The following RP1 variants were observed in gnomAD, a reference collection of about 807,000 sequenced individuals.
RP1 encodes RP1 axonemal microtubule associated.
Under a neutral mutation model 14.8 loss-of-function variants are expected in RP1, and 16 were observed. That is an observed-to-expected ratio of 1.08 (90% CI 0.73 to 1.65). RP1 has a LOEUF of 1.65. Among genes scored for constraint, RP1 ranks in the 40% most tolerant of loss-of-function variants. RP1 has a pLI of 0.00. For synonymous variants in RP1, 876 were observed against 883.6 expected, an observed-to-expected ratio of 0.99 and a Z score of 0.15; for missense variants, 2,631 against 2,535.0, an observed-to-expected ratio of 1.04 and a Z score of -0.81.
At chr8:54,784,980 G>A (rs545692860) in intron 24 of RP1, among the ~76,000 whole-genome samples, 7 of 151,118 alleles carry the variant, frequency 4.6e-5, no homozygotes, top group Non-Finnish European at 8.9e-5. Context: ...ATATTTATGG[G>A]GTACAGTGTG....
intron 25 of RP1, among the ~76,000 whole-genome samples, chr8:54,848,266 TCTC>T (rs1394572145): frequency 6.6e-6 from 1 of 152,156 alleles, no homozygotes; most frequent in African/African-American, 2.4e-5. Flanking sequence ...GCTTCTGCAC[TCTC>T]CTCTGAGCCC....
chr8:54,673,741 AAACAAC>A (rs4014240), intron 7 of RP1: 53 of 813,702 alleles, frequency 6.5e-5, no homozygotes, highest in Admixed American at 7.9e-5. Flanking sequence ...GCCTGTCTCA[AAACAAC>A]AACAACAACA....
chr8:54,766,683 C>A (rs1809769103), intron 22 of RP1, among the ~76,000 whole-genome samples: 1 of 152,162 alleles, frequency 6.6e-6, no homozygotes, highest in African/African-American at 2.4e-5. Flanking sequence ...CTTCCCCCAG[C>A]AAAACACCCT....
At chr8:54,678,878 TAC>T (rs1043042405) in intron 9 of RP1, among the ~76,000 whole-genome samples, 9 of 152,138 alleles carry the variant, frequency 5.9e-5, no homozygotes, top group Admixed American at 5.2e-4. Flanking sequence ...ATAATAAATA[TAC>T]ACAGTGTTTC....
At chr8:54,650,153 C>A (rs183724144) in intron 4 of RP1, among the ~76,000 whole-genome samples, 2 of 152,290 alleles carry the variant, frequency 1.3e-5, no homozygotes, top group Admixed American at 1.3e-4. Flanking sequence ...CTTAACCCCT[C>A]ATTTTTATAG....
chr8:54,766,708 G>A (rs1242132396), intron 22 of RP1, among the ~76,000 whole-genome samples: 3 of 152,046 alleles, frequency 2.0e-5, no homozygotes, highest in African/African-American at 4.8e-5. Flanking sequence ...GTTTTAAGGC[G>A]GGAGCACCCC....
At position 54,701,104 on chromosome 8, in the gene RP1, C is replaced by A. The variant is rs536784534; in HGVS notation, c.1822-382C>A. Among the ~76,000 whole-genome samples, 686 of 151,936 alleles carry A rather than the reference C, an allele frequency of 4.5e-3. 5 individuals are homozygous for A. The highest frequency in any genetic ancestry group is 0.016 in the African/African-American group (648 of 41,446). On this transcript the variant is annotated intron_variant, in intron 13 of 22. Coordinates refer to the RP1 transcript ENST00000636932. ...TCTCAATTTGTTTCATTTTTGAAAG[C>A]AAAATTTAGGAATGAGATAAAATTT...
upstream of RP1, among the ~76,000 whole-genome samples, chr8:54,615,055 C>A (rs1805683961): frequency 6.6e-6 from 1 of 152,198 alleles, no homozygotes; most frequent in Non-Finnish European, 1.5e-5. Flanking sequence ...CCTGTAAACA[C>A]AAATTTCCTT....
chr8:54,560,062 C>T (rs1804250186), intron 1 of RP1, among the ~76,000 whole-genome samples: 1 of 152,094 alleles, frequency 6.6e-6, no homozygotes, highest in Admixed American at 6.5e-5. Flanking sequence ...GAATGTAGCT[C>T]GAGAGGAGAA....
At chr8:54,673,286 G>C (rs892265073) in intron 7 of RP1, among the ~76,000 whole-genome samples, 12 of 152,030 alleles carry the variant, frequency 7.9e-5, no homozygotes. Flanking sequence ...TTTTTTAATG[G>C]ATATGCTACA....
At chr8:54,698,271 C>A (rs1203969873) in intron 12 of RP1, among the ~76,000 whole-genome samples, 1 of 152,116 alleles carries the variant, frequency 6.6e-6, no homozygotes, top group African/African-American at 2.4e-5. Flanking sequence ...ATGCAGCCAA[C>A]AAACTTATGA....
chr8:54,849,983 A>G lies in RP1; in HGVS notation c.3836-2591A>G, dbSNP rs181283523. On this transcript the variant is annotated intron_variant, in intron 25 of 28. Coordinates refer to the RP1 transcript ENST00000637698. ...ACAATTGTGGCAAATAGGAGGAAAA[A>G]CATTTTATGCTGTGCTTCTGGCTTT... is the stretch of plus-strand genomic sequence containing the variant. Among the ~76,000 whole-genome samples, 91 of 152,316 alleles carry G rather than the reference A, an allele frequency of 6.0e-4. 1 individual carries two copies. The highest frequency in any genetic ancestry group is 1.0e-3 in the Admixed American group (16 of 15,300).
At chr8:54,607,534 A>G (rs1387112170) in intron 1 of RP1, among the ~76,000 whole-genome samples, 1 of 152,158 alleles carries the variant, frequency 6.6e-6, no homozygotes, top group Non-Finnish European at 1.5e-5. Flanking sequence ...TCAGATCTCC[A>G]GTTGCATGCT....
Position 54,628,356 on chromosome 8 carries a change from G to T in RP1, c.4474G>T (p.Glu1492Ter). ...AAATGGAGGAGAGCAAGCCACTGAA[G>T]AATTAATCCAAGAAGAGGTAGAGGC... ...VVNGGEQATE[E>*]LIQEEVEASK... Residue 1492 changes from glutamate (E) to a stop codon, truncating the protein, a stop_gained, in exon 4 of 4, where the codon GAA becomes TAA. Coordinates refer to ENST00000220676, the MANE Select transcript of RP1 (RefSeq NM_006269.2). LOFTEE classifies it low-confidence loss of function (END_TRUNC). 6.2e-7 allele frequency: 1 copy of T among 1,613,734 alleles called. No homozygotes were observed. The highest frequency in any genetic ancestry group is 8.5e-7 in the Non-Finnish European group (1 of 1,179,872).
rs778213896 is a variant in RP1 at position 54,629,279 on chromosome 8, AC to A, written c.5398del (p.Leu1800SerfsTer9). ...TGGCCCCAGGCCCAACGATGGATGA[AC>A]TCTCCTCTTCAGAACTCGAGGAACT... ...NLAPGPTMDE[L>X]SSSELEELTQ... On this transcript the variant is annotated frameshift_variant, in exon 4 of 4. Coordinates refer to ENST00000220676, the MANE Select transcript of RP1 (RefSeq NM_006269.2). LOFTEE classifies it low-confidence loss of function (END_TRUNC). The A allele has an allele frequency of 1.9e-6, 3 of 1,613,554 alleles. No individual in the cohort carries two copies. In the African/African-American group the frequency reaches 4.0e-5, roughly 22 times the overall value.
intron 24 of RP1, among the ~76,000 whole-genome samples, chr8:54,835,997 C>A (rs1811647456): frequency 1.3e-5 from 2 of 152,158 alleles, no homozygotes; most frequent in East Asian, 1.9e-4. Context: ...GGGGGACCAG[C>A]TATTTAGCTT....
exon 4 of RP1, chr8:54,649,047 A>G (rs543168225): frequency 1.6e-5 from 25 of 1,531,878 alleles, no homozygotes; most frequent in Non-Finnish European, 2.0e-5. Flanking sequence ...CAGCTCACAG[A>G]TTTATATTAT....
At chr8:54,854,642 A>T (rs2129409264) in intron 26 of RP1, among the ~76,000 whole-genome samples, 1 of 152,250 alleles carries the variant, frequency 6.6e-6, no homozygotes, top group African/African-American at 2.4e-5. Context: ...AGGTGGGTGG[A>T]TCATTTGAGG....
intron 24 of RP1, among the ~76,000 whole-genome samples, chr8:54,830,895 A>C (rs1811503790): frequency 6.6e-6 from 1 of 152,044 alleles, no homozygotes; most frequent in African/African-American, 2.4e-5. Flanking sequence ...GGCAACCAGT[A>C]ATCTGTTTTC....
Sources: gnomAD v4.1 joint callset for allele counts (sites outside exome capture counted in the v4.1 genomes callset) on GRCh38, gnomAD v4.1.1 for gene constraint, MANE v1.5 for transcripts, NCBI Gene and HGNC (gene_info 2026-07-23, HGNC 2026-07-21) for gene names.